Variants in FBXW11 observed in about 807,000 individuals in gnomAD.
FBXW11 encodes the protein F-box and WD repeat domain containing 11.
Under a neutral mutation model 77.6 loss-of-function variants are expected in FBXW11, and 19 were observed. The observed-to-expected ratio is 0.24, with a 90% CI of 0.17 to 0.36. FBXW11 has a LOEUF of 0.36. Ranked by LOEUF, FBXW11 falls within the 10% of genes least tolerant of loss-of-function variation. FBXW11 has a pLI of 1.00. For missense variants in FBXW11, 334 were observed against 704.2 expected, an observed-to-expected ratio of 0.47 and a Z score of 5.95; for synonymous variants, 235 against 249.4, an observed-to-expected ratio of 0.94 and a Z score of 0.54.
intron 2 of FBXW11, among the ~76,000 whole-genome samples, chr5:171,928,857 G>C (rs1762018623): frequency 6.6e-6 from 1 of 152,278 alleles, no homozygotes; most frequent in East Asian, 1.9e-4. Context: ...CAGATCACTT[G>C]AGGTCAGGAG....
chr5:171,965,527 TAAAAATAA>T (rs1463290795), intron 1 of FBXW11, among the ~76,000 whole-genome samples: 4 of 143,450 alleles, frequency 2.8e-5, no homozygotes, highest in Middle Eastern at 3.4e-3. Flanking sequence ...CTCTTGTCTT[TAAAAATAA>T]AAAAAAAAAA....
At chr5:171,937,013 CTG>C (rs1762516206) in intron 2 of FBXW11, among the ~76,000 whole-genome samples, 1 of 152,218 alleles carries the variant, frequency 6.6e-6, no homozygotes, top group African/African-American at 2.4e-5. Context: ...GTGGAATTCT[CTG>C]TGAATCCACA....
At chr5:171,962,607 T>A (rs557935608) in intron 1 of FBXW11, among the ~76,000 whole-genome samples, 1 of 152,146 alleles carries the variant, frequency 6.6e-6, no homozygotes, top group East Asian at 1.9e-4. Flanking sequence ...ACACCATAAG[T>A]CAGTAAAGAC....
intron 1 of FBXW11, among the ~76,000 whole-genome samples, chr5:171,987,538 C>T (rs965822732): frequency 1.2e-4 from 18 of 152,122 alleles, no homozygotes; most frequent in African/African-American, 3.4e-4. Context: ...GCAACCTCCA[C>T]CTCCCGGGTT....
chr5:171,997,426 AAAAT>A (rs1213638682), intron 1 of FBXW11, among the ~76,000 whole-genome samples: 2 of 152,238 alleles, frequency 1.3e-5, no homozygotes, highest in Non-Finnish European at 2.9e-5. Context: ...CACCATTAGA[AAAAT>A]AGTTTGTCAG....
intron 1 of FBXW11, among the ~76,000 whole-genome samples, chr5:171,985,903 C>T (rs894923059): frequency 1.3e-5 from 2 of 152,164 alleles, no homozygotes; most frequent in Non-Finnish European, 2.9e-5. Flanking sequence ...GCCATGATCA[C>T]ACCACTGTAC....
chr5:171,963,155 G>C (rs1763995307), intron 1 of FBXW11, among the ~76,000 whole-genome samples: 1 of 149,716 alleles, frequency 6.7e-6, no homozygotes, highest in South Asian at 2.1e-4. Flanking sequence ...GCTCACAGAA[G>C]GCAATCTTAA....
intron 1 of FBXW11, among the ~76,000 whole-genome samples, chr5:171,990,312 AAG>A (rs964909958): frequency 6.6e-6 from 1 of 152,198 alleles, no homozygotes; most frequent in Non-Finnish European, 1.5e-5. Flanking sequence ...ATGGAGGAAA[AAG>A]AGAAGAACAA....
In FBXW11 at chr5:171,876,201, C is replaced by A. The variant is rs905881932; in HGVS notation, c.1221+84G>T. The A allele has an allele frequency of 1.3e-6, 2 of 1,513,704 alleles. No homozygotes were observed. Among genetic ancestry groups the A allele is most frequent in the Non-Finnish European group, 1.8e-6 (2 of 1,104,110 alleles). The allele number at this position is 1,513,704 out of a possible 1,614,324, so 93.8% of individuals were successfully genotyped here. On this transcript the variant is annotated intron_variant, in intron 9 of 13. Transcript: ENST00000517395. The surrounding 1 kb of genome is among the most constrained non-coding windows in gnomAD (Gnocchi z 4.2). ...AGGAGAATAAAGATCTTGCCAGGTA[C>A]CAGGTTGGTATAAGCCACCTCTGCT... is the stretch of plus-strand genomic sequence containing the variant.
intron 1 of FBXW11, among the ~76,000 whole-genome samples, chr5:171,985,632 G>C (rs1765395329): frequency 1.3e-5 from 2 of 152,136 alleles, no homozygotes; most frequent in South Asian, 4.1e-4. Flanking sequence ...GCTGGGCATG[G>C]TGGCATGCTG....
intron 2 of FBXW11, 37 bp downstream of exon 2, chr5:171,957,560 G>A (rs769417615): frequency 9.7e-6 from 15 of 1,546,202 alleles, no homozygotes; most frequent in South Asian, 5.6e-5. Flanking sequence ...CATGGCATAC[G>A]TAAAAACACA....
intron 7 of FBXW11, among the ~76,000 whole-genome samples, chr5:171,889,112 G>C (rs1759122310): frequency 6.6e-6 from 1 of 152,194 alleles, no homozygotes; most frequent in Non-Finnish European, 1.5e-5. Flanking sequence ...GAAGACTTCT[G>C]AAATGTAATG....
chr5:171,883,419 C>T (rs917376598), intron 7 of FBXW11, among the ~76,000 whole-genome samples: 12 of 152,096 alleles, frequency 7.9e-5, no homozygotes, highest in African/African-American at 2.7e-4. Flanking sequence ...GGAGATATAC[C>T]TAACATTAAA....
rs1210151416 is a variant in FBXW11, at chr5:171,878,553, AGTGTGTGAGTGTGT to A, written c.853-438_853-425del. 1.6e-3 allele frequency among the ~76,000 whole-genome samples: 168 copies of A among 105,492 alleles called. 1 individual carries two copies. The highest frequency in any genetic ancestry group is 5.9e-3 in the African/African-American group (164 of 27,584). 69.2% of individuals were successfully genotyped at this position (105,492 alleles called of 152,430 possible). ...AACATACCAAGCCAATCTCCATAAGAGTGTGTGAGTGTGTGTGTGTGTGTGTGTGTGTGTGTGTA... is the reference window on the plus strand; with the variant it reads ...AACATACCAAGCCAATCTCCATAAGAGTGTGTGTGTGTGTGTGTGTGTGTA... On this transcript the variant is annotated intron_variant, in intron 7 of 13. Transcript: ENST00000517395.
rs1489571314 is a variant in FBXW11, at chr5:171,869,927, T to G, written c.1452-120A>C. ...TATTTATAAAAGCTAATGGGGAACA[T>G]GCTTATGTTTTTACAAATCATCTGA... On this transcript the variant is annotated intron_variant, in intron 11 of 13. Transcript: ENST00000517395. The surrounding 1 kb of genome is among the most constrained non-coding windows in gnomAD (Gnocchi z 4.1). 3.9e-6 allele frequency: 2 copies of G among 508,712 alleles called. No individual in the cohort carries two copies. The highest frequency in any genetic ancestry group is 7.0e-6 in the Non-Finnish European group (2 of 286,320). 31.5% of individuals were successfully genotyped at this position (508,712 alleles called of 1,614,324 possible).
Position 171,885,777 on chromosome 5 carries a change from G to C in FBXW11, c.852+5690C>G, listed in dbSNP as rs185337952. ...TATCATAATTTGTAGTGACTCTACA[G>C]TTTACTGCAAGTGAACAAGATTTTA... On this transcript the variant is annotated intron_variant, in intron 7 of 13. Coordinates refer to ENST00000517395, the MANE Select transcript of FBXW11 (RefSeq NM_001378974.1). Among the ~76,000 whole-genome samples the C allele has an allele frequency of 1.4e-4, 21 of 152,310 alleles. No individual in the cohort carries two copies. The Middle Eastern group carries it at 0.01, about 74-fold the overall frequency.
chr5:172,000,805 T>C (rs1257941884), intron 1 of FBXW11, among the ~76,000 whole-genome samples: 1 of 152,228 alleles, frequency 6.6e-6, no homozygotes, highest in South Asian at 2.1e-4. Context: ...TACCTTTCTT[T>C]ATGTCACACA....
At chr5:171,931,684 A>C (rs1291035880) in intron 2 of FBXW11, among the ~76,000 whole-genome samples, 1 of 152,230 alleles carries the variant, frequency 6.6e-6, no homozygotes, top group Non-Finnish European at 1.5e-5. Context: ...ATTAAAAATA[A>C]AAATCTCTGA....
At chr5:171,976,106 TA>T (rs1225005864) in intron 1 of FBXW11, among the ~76,000 whole-genome samples, 1 of 152,030 alleles carries the variant, frequency 6.6e-6, no homozygotes, top group African/African-American at 2.4e-5. Flanking sequence ...AGGCAGCAGT[TA>T]AGGCCATGAC....
Sources: gnomAD v4.1 joint callset for allele counts (sites outside exome capture counted in the v4.1 genomes callset) on GRCh38, gnomAD v4.1.1 for gene constraint, Gnocchi (gnomAD v3.1) non-coding constraint, MANE v1.5 for transcripts, NCBI Gene and HGNC (gene_info 2026-07-23, HGNC 2026-07-21) for gene names.